Variants in PGLS observed in about 807,000 individuals in gnomAD.
PGLS encodes the protein epididymis secretory protein Li 304.
PGLS carries 21 observed loss-of-function variants against 23.2 expected under a neutral mutation model. The observed-to-expected ratio is 0.91, with a 90% CI of 0.64 to 1.31. The LOEUF (loss-of-function observed/expected upper bound fraction) is 1.31, where lower values mean the gene tolerates loss of function less well. Among genes scored for constraint, PGLS ranks in the 50% most tolerant of loss-of-function variants. PGLS has a pLI of 0.00. For missense variants in PGLS, 410 were observed against 354.0 expected (o/e 1.16, Z -1.27); for synonymous variants, 179 against 165.4 (o/e 1.08, Z -0.63).
chr19:17,517,980 G>A (rs991168650), intron 4 of PGLS, 130 bp downstream of exon 4: 1 of 672,282 alleles, frequency 1.5e-6, no homozygotes, highest in Non-Finnish European at 2.1e-6. Context: ...GGGTTGAAAG[G>A]TAACTTGAAA....
intron 3 of PGLS, 65 bp from the exon 4 acceptor site, chr19:17,517,645 G>A: frequency 6.4e-7 from 1 of 1,566,060 alleles, no homozygotes; most frequent in Non-Finnish European, 8.8e-7. Context: ...CCTGGTGTGT[G>A]TAAGTGTCCA....
intron 2 of PGLS, chr19:17,516,516 G>T (rs1310577889): frequency 2.3e-6 from 3 of 1,329,790 alleles, no homozygotes; most frequent in Admixed American, 3.1e-5. Flanking sequence ...AATATGATGG[G>T]TATGGCTATG....
In PGLS at chr19:17,517,298, G is replaced by A. The variant is rs771047790; in HGVS notation, c.407G>A (p.Gly136Glu). The change falls in exon 3 of 5, where the codon GGG (glycine) becomes GAG (glutamate). Residue 136 changes from glycine (G) to glutamate (E), a missense_variant. By Grantham distance (98) the Gly-to-Glu change is moderately conservative. Transcript: ENST00000252603. ...TCTCCCCACGCCCAGGCATTCCAAG[G>A]GGACTCCATCCCGGTTTTCGACCTG... ...YAKKLRQAFQ[G>E]DSIPVFDLLI... 1 of 1,613,514 alleles carries A rather than the reference G, an allele frequency of 6.2e-7. No individual in the cohort carries two copies. Among genetic ancestry groups the A allele is most frequent in the Non-Finnish European group, 8.5e-7 (1 of 1,179,544 alleles).
In PGLS at chr19:17,517,372, G is replaced by T; in HGVS notation, c.481G>T (p.Asp161Tyr). 6.2e-7 allele frequency: 1 copy of T among 1,613,392 alleles called. No homozygotes were observed. Among genetic ancestry groups the T allele is most frequent in the Non-Finnish European group, 8.5e-7 (1 of 1,179,506 alleles). ...TGGTCACACCTGCTCACTCTTCCCA[G>T]ACCACCCCCTCCTACAGGTGAGCAC... ...PDGHTCSLFP[D>Y]HPLLQEREKI... The change falls in exon 3 of 5, where the codon GAC (aspartate) becomes TAC (tyrosine). Residue 161 changes from aspartate to tyrosine, a missense_variant. Physicochemically the swap from Asp to Tyr is radical, Grantham distance 160. Transcript: ENST00000252603.
At chr19:17,516,301 G>T (rs760276099) in intron 2 of PGLS, 21 bp downstream of exon 2, 5 of 1,606,776 alleles carry the variant, frequency 3.1e-6, no homozygotes, top group Non-Finnish European at 4.2e-6. Context: ...AGGAGCGGCC[G>T]CAAGGGAGTC....
At position 17,521,073 on chromosome 19, in the gene PGLS, A is replaced by C; in HGVS notation, c.769A>C (p.Thr257Pro). The stretch of plus-strand genomic sequence containing the variant: ...GACCGTGCCCTTCGAGAAGCATTCC[A>C]CTTTGTAGCTGGCCAGAGGGACGCC... ...LLTVPFEKHS[T>P]L Residue 257 changes from threonine (T) to proline (P), a missense_variant, in exon 5 of 5, where the codon ACT becomes CCT. Coordinates refer to ENST00000252603, the MANE Select transcript of PGLS (RefSeq NM_012088.3). 4 of 1,599,050 alleles carry C rather than the reference A, an allele frequency of 2.5e-6. No homozygotes were observed. The highest frequency in any genetic ancestry group is 3.4e-6 in the Non-Finnish European group (4 of 1,171,960).
intron 1 of PGLS, 146 bp downstream of exon 1, chr19:17,512,106 C>A: frequency 1.2e-6 from 1 of 855,804 alleles, no homozygotes; most frequent in Non-Finnish European, 1.7e-6. Context: ...GGGTATCATG[C>A]CAAGAGGGCC....
intron 2 of PGLS, among the ~76,000 whole-genome samples, chr19:17,516,733 C>A (rs62126806): frequency 1.3e-5 from 2 of 151,018 alleles, no homozygotes; most frequent in South Asian, 4.2e-4. Flanking sequence ...TACGGGTGCC[C>A]GCCACCACGC....
At chr19:17,520,523 C>T (rs113947459) in intron 4 of PGLS, 2 of 132,432 alleles carry the variant, frequency 1.5e-5, no homozygotes, top group Admixed American at 1.7e-4. Flanking sequence ...CATCACACTC[C>T]AGCCTGGGGG....
intron 1 of PGLS, chr19:17,513,379 T>G (rs2075518370): frequency 6.6e-6 from 1 of 151,348 alleles, no homozygotes; most frequent in Non-Finnish European, 1.5e-5. Context: ...ATGCAAAAAT[T>G]AGCCAGGTGT....
At chr19:17,514,452 C>T (rs546326441) in intron 1 of PGLS, among the ~76,000 whole-genome samples, 1 of 151,456 alleles carries the variant, frequency 6.6e-6, no homozygotes, top group African/African-American at 2.4e-5. Context: ...CCTTCCCTTC[C>T]TTCCTTCCTC....
chr19:17,517,785 G>A lies in PGLS; in HGVS notation c.574G>A (p.Val192Ile), dbSNP rs2144644919. The A allele has an allele frequency of 6.2e-7, 1 of 1,614,154 alleles. No homozygotes were observed. The highest frequency in any genetic ancestry group is 1.3e-5 in the African/African-American group (1 of 75,048). Reference sequence around the variant, plus strand: ...ACAGCGTGTGACCCTCACACTACCTGTCCTGAATGCAGCACGAACTGTCAT... The same window carrying A: ...ACAGCGTGTGACCCTCACACTACCTATCCTGAATGCAGCACGAACTGTCAT... ...PPQRVTLTLP[V>I]LNAARTVIFV... Residue 192 changes from valine (V) to isoleucine (I), a missense_variant, in exon 4 of 5, where the codon GTC becomes ATC. Physicochemically the swap from Val to Ile is conservative, Grantham distance 29. Coordinates refer to ENST00000252603, the MANE Select transcript of PGLS (RefSeq NM_012088.3).
intron 2 of PGLS, 148 bp from the exon 3 acceptor site, chr19:17,517,140 C>G (rs887805002): frequency 6.2e-6 from 4 of 643,684 alleles, no homozygotes; most frequent in Non-Finnish European, 1.1e-5. Context: ...ACCTCGGCCT[C>G]CCAAAGTGCT....
Position 17,516,709 on chromosome 19 carries a change from T to C in PGLS, c.396+429T>C, listed in dbSNP as rs561587029. Among the ~76,000 whole-genome samples the C allele has an allele frequency of 1.1e-4, 17 of 150,508 alleles. No homozygotes were observed. In the South Asian group the frequency reaches 2.7e-3, roughly 24 times the overall value. The stretch of plus-strand genomic sequence containing the variant: ...ACACCATTCTCCTGCCTCAGCCTCC[T>C]GAGTAGCTGGGACTACGGGTGCCCG... On this transcript the variant is annotated intron_variant, in intron 2 of 4. Coordinates refer to ENST00000252603, the MANE Select transcript of PGLS (RefSeq NM_012088.3).
At chr19:17,512,069 G>C (rs977076232) in intron 1 of PGLS, 109 bp downstream of exon 1, 5 of 1,181,642 alleles carry the variant, frequency 4.2e-6, no homozygotes, top group Non-Finnish European at 5.7e-6. Flanking sequence ...CGCGCCCACT[G>C]TCTGCACCTC....
At chr19:17,514,142 C>T (rs1438057279) in intron 1 of PGLS, among the ~76,000 whole-genome samples, 1 of 152,216 alleles carries the variant, frequency 6.6e-6, no homozygotes, top group Non-Finnish European at 1.5e-5. Context: ...GTTCTGGAGG[C>T]CAGAAGTCTG....
intron 2 of PGLS, among the ~76,000 whole-genome samples, chr19:17,517,042 G>A (rs2075536728): frequency 6.6e-6 from 1 of 151,740 alleles, no homozygotes; most frequent in Admixed American, 6.6e-5. Context: ...CTGCCACCAC[G>A]CCTGGCTAAT....
chr19:17,520,695 C>T (rs2075553523), intron 4 of PGLS: 1 of 323,382 alleles, frequency 3.1e-6, no homozygotes, highest in Non-Finnish European at 5.5e-6. Flanking sequence ...CGTACCACTG[C>T]ACTCCAGCCT....
Position 17,511,964 on chromosome 19 carries a change from A to T in PGLS, c.288+4A>T. 6.5e-7 allele frequency: 1 copy of T among 1,544,608 alleles called. No homozygotes were observed. ...GAGCACGTACGGCCTCTACCGGGTG[A>T]GAGCTACGGGGGCCGCCGGGGATCA... is the stretch of plus-strand genomic sequence containing the variant. On this transcript the variant is annotated splice_donor_region_variant and intron_variant, in intron 1 of 4. Coordinates refer to ENST00000252603, the MANE Select transcript of PGLS (RefSeq NM_012088.3).
Sources: gnomAD v4.1 joint callset for allele counts (sites outside exome capture counted in the v4.1 genomes callset) on GRCh38, gnomAD v4.1.1 for gene constraint, MANE v1.5 for transcripts, NCBI Gene and HGNC (gene_info 2026-07-23, HGNC 2026-07-21) for gene names.